FSTL5: variants seen among roughly 807,000 people sequenced by gnomAD.
FSTL5 encodes the protein follistatin-related protein 5.
FSTL5 carries 62 observed loss-of-function variants against 89.1 expected under a neutral mutation model. The ratio of observed to expected loss-of-function variants is 0.70; its 90% confidence interval spans 0.57 to 0.86. The LOEUF (loss-of-function observed/expected upper bound fraction) is 0.86, where lower values mean the gene tolerates loss of function less well. Ranked by LOEUF, FSTL5 falls within the 40% of genes least tolerant of loss-of-function variation. The probability of loss-of-function intolerance (pLI) is 0.00; values close to 1 mark genes in which losing one functional copy is unlikely to be tolerated. For synonymous variants in FSTL5, 383 were observed against 346.2 expected (o/e 1.11, Z -1.18); for missense variants, 1,057 against 1,001.6 (o/e 1.06, Z -0.75).
At chr4:161,627,825 A>C (rs561036454) in intron 7 of FSTL5, among the ~76,000 whole-genome samples, 1 of 152,256 alleles carries the variant, frequency 6.6e-6, no homozygotes, top group Non-Finnish European at 1.5e-5. Context: ...AAAATCTTAT[A>C]ATTTTACATC....
intron 15 of FSTL5, among the ~76,000 whole-genome samples, chr4:161,391,238 A>T (rs2110876039): frequency 6.6e-6 from 1 of 152,312 alleles, no homozygotes. Context: ...TATTATGGGA[A>T]TTTTACTTGT....
intron 6 of FSTL5, among the ~76,000 whole-genome samples, chr4:161,736,150 T>A (rs941753805): frequency 6.6e-6 from 1 of 152,162 alleles, no homozygotes; most frequent in Non-Finnish European, 1.5e-5. Context: ...AATTGAATCC[T>A]ATCCCAACAT....
At chr4:161,552,501 C>T (rs1289061066) in intron 8 of FSTL5, 2 of 151,646 alleles carry the variant, frequency 1.3e-5, no homozygotes, top group Non-Finnish European at 2.9e-5. Flanking sequence ...GTCACTGATA[C>T]TCCCCAAAGG....
chr4:161,424,001 T>C (rs1732080831), intron 15 of FSTL5, among the ~76,000 whole-genome samples: 2 of 146,306 alleles, frequency 1.4e-5, no homozygotes, highest in Non-Finnish European at 3.0e-5. Flanking sequence ...GGACTACAGG[T>C]GCCTGCCAGC....
intron 15 of FSTL5, among the ~76,000 whole-genome samples, chr4:161,420,504 A>C: frequency 6.6e-6 from 1 of 152,172 alleles, no homozygotes; most frequent in South Asian, 2.1e-4. Flanking sequence ...CATAAGATAT[A>C]TTGACTTTAT....
At position 161,447,131 on chromosome 4, in the gene FSTL5, CAA is replaced by C. The variant is rs549942272; in HGVS notation, c.1841+7871_1841+7872del. Among the ~76,000 whole-genome samples the C allele has an allele frequency of 9.6e-4, 146 of 152,012 alleles. 2 individuals are homozygous for C. In the South Asian group the frequency reaches 0.017, roughly 17 times the overall value. On this transcript the variant is annotated intron_variant, in intron 15 of 15. Transcript: ENST00000306100. ...CTATTTTACTTTGCATAATAAAACT[CAA>C]GAGTCAAATCTGCAATGTGGAGTGT...
rs115876477 is a variant in FSTL5, at chr4:161,520,797, A to C, written c.1313-10373T>G. On this transcript the variant is annotated intron_variant, in intron 10 of 15. Coordinates refer to ENST00000306100, the MANE Select transcript of FSTL5 (RefSeq NM_020116.5). ...CAAAACAATAATTTCTTTCATAAAC[A>C]ATCAAACTTTAAGCATGGCAGAATT... 8.5e-3 allele frequency among the ~76,000 whole-genome samples: 1,298 copies of C among 152,336 alleles called. 13 individuals carry two copies. Among genetic ancestry groups the C allele is most frequent in the African/African-American group, 0.03 (1,234 of 41,584 alleles).
At chr4:161,783,643 TTC>T (rs33933881) in intron 4 of FSTL5, among the ~76,000 whole-genome samples, 34,000 of 59,484 alleles carry the variant, frequency 0.57, 11,589 homozygotes, top group Non-Finnish European at 0.63. Context: ...TTTTCTTTCT[TTC>T]TCTCTCTTTC....
At chr4:161,561,804 T>C (rs1326336206) in intron 8 of FSTL5, among the ~76,000 whole-genome samples, 2 of 152,064 alleles carry the variant, frequency 1.3e-5, no homozygotes, top group Admixed American at 1.3e-4. Flanking sequence ...GGGTCATATT[T>C]AATTTTGTTC....
intron 7 of FSTL5, among the ~76,000 whole-genome samples, chr4:161,628,316 G>A (rs1035361198): frequency 6.6e-6 from 1 of 152,020 alleles, no homozygotes; most frequent in Non-Finnish European, 1.5e-5. Flanking sequence ...TATTCTAGTT[G>A]TAGTAAATTA....
intron 7 of FSTL5, among the ~76,000 whole-genome samples, chr4:161,608,345 T>A (rs1362835268): frequency 6.6e-6 from 1 of 152,128 alleles, no homozygotes; most frequent in Non-Finnish European, 1.5e-5. Flanking sequence ...ACAGTTCACC[T>A]CGGTACCAAT....
At chr4:161,695,587 G>C (rs1410859559) in intron 6 of FSTL5, among the ~76,000 whole-genome samples, 3 of 152,036 alleles carry the variant, frequency 2.0e-5, no homozygotes, top group South Asian at 2.1e-4. Flanking sequence ...ACATGCATGT[G>C]CAAGTATCAT....
At chr4:161,602,255 GAGAGA>G (rs1734275086) in intron 7 of FSTL5, among the ~76,000 whole-genome samples, 2 of 25,358 alleles carry the variant, frequency 7.9e-5, no homozygotes, top group African/African-American at 2.4e-4. Flanking sequence ...GGGAGAGAAA[GAGAGA>G]GAGAGAGAGA....
Position 161,908,295 on chromosome 4 carries a change from T to G in FSTL5, c.409+12109A>C, listed in dbSNP as rs1733593265. On this transcript the variant is annotated intron_variant, in intron 4 of 15. Coordinates refer to ENST00000306100, the MANE Select transcript of FSTL5 (RefSeq NM_020116.5). ...GTTCCAATACATGATTATCATGTAT[T>G]AACTAAAAAAAAATCATATTTGTTC... 3.9e-5 allele frequency among the ~76,000 whole-genome samples: 6 copies of G among 151,996 alleles called. No individual in the cohort carries two copies. The South Asian group carries it at 1.2e-3, about 31-fold the overall frequency.
chr4:161,396,204 C>T (rs1054904484), intron 15 of FSTL5, among the ~76,000 whole-genome samples: 6 of 151,616 alleles, frequency 4.0e-5, no homozygotes, highest in South Asian at 2.1e-4. Flanking sequence ...CAAAAGTGAC[C>T]GAAGTTACAT....
intron 1 of FSTL5, among the ~76,000 whole-genome samples, chr4:162,151,185 G>GA (rs1199762784): frequency 1.3e-5 from 2 of 151,518 alleles, no homozygotes; most frequent in African/African-American, 2.4e-5. Context: ...CTGATAAAAA[G>GA]AAAAAAGAAA....
chr4:161,823,963 G>T (rs753073487), intron 4 of FSTL5, among the ~76,000 whole-genome samples: 4 of 152,156 alleles, frequency 2.6e-5, no homozygotes. Flanking sequence ...TCTATGGGTT[G>T]TCTGTTTACT....
At chr4:161,941,179 G>A (rs1734571687) in intron 3 of FSTL5, among the ~76,000 whole-genome samples, 1 of 151,556 alleles carries the variant, frequency 6.6e-6, no homozygotes, top group South Asian at 2.1e-4. Flanking sequence ...GAAACAAGAA[G>A]CAAATGAAAA....
intron 4 of FSTL5, among the ~76,000 whole-genome samples, chr4:161,874,938 TAC>T (rs147456981): frequency 6.6e-6 from 1 of 152,100 alleles, no homozygotes; most frequent in East Asian, 1.9e-4. Flanking sequence ...CATACATATA[TAC>T]ACACACACAC....
Sources: gnomAD v4.1 joint callset for allele counts (sites outside exome capture counted in the v4.1 genomes callset) on GRCh38, gnomAD v4.1.1 for gene constraint, MANE v1.5 for transcripts, NCBI Gene and HGNC (gene_info 2026-07-23, HGNC 2026-07-21) for gene names.